Variants in XRRA1 observed in about 807,000 individuals in gnomAD.
The protein encoded by XRRA1 is X-ray radiation resistance associated 1.
A neutral mutation model predicts 80.2 loss-of-function variants in XRRA1; 69 were observed. The ratio of observed to expected loss-of-function variants is 0.86; its 90% CI spans 0.71 to 1.05. The LOEUF (loss-of-function observed/expected upper bound fraction) is 1.05. Ranked by LOEUF, XRRA1 falls within the 50% of genes least tolerant of loss-of-function variation. The probability of loss-of-function intolerance (pLI) is 0.00; values close to 1 mark genes in which losing one functional copy is unlikely to be tolerated. For synonymous variants in XRRA1, 348 were observed against 389.9 expected (o/e 0.89, Z 1.27); for missense variants, 967 against 976.4 (o/e 0.99, Z 0.13).
intron 12 of XRRA1, among the ~76,000 whole-genome samples, chr11:74,854,216 G>T (rs994447626): frequency 3.3e-5 from 5 of 152,206 alleles, no homozygotes; most frequent in Admixed American, 1.3e-4. Flanking sequence ...CACTGGTCTG[G>T]AATACAGAGG....
chr11:74,870,244 C>T (rs563312266), intron 10 of XRRA1, among the ~76,000 whole-genome samples: 6 of 152,238 alleles, frequency 3.9e-5, no homozygotes, highest in African/African-American at 1.4e-4. Flanking sequence ...TGTTTCAAAC[C>T]AGTTTCCTTT....
intron 3 of XRRA1, among the ~76,000 whole-genome samples, chr11:74,939,056 T>C (rs1016595970): frequency 6.6e-6 from 1 of 152,178 alleles, no homozygotes; most frequent in Non-Finnish European, 1.5e-5. Flanking sequence ...GGAATTCTAC[T>C]ATAAGAAAGA....
intron 10 of XRRA1, among the ~76,000 whole-genome samples, chr11:74,868,924 A>G (rs902754471): frequency 2.0e-5 from 3 of 152,132 alleles, no homozygotes; most frequent in Admixed American, 2.0e-4. Context: ...TACCCCAATA[A>G]TAATATTAGA....
chr11:74,855,484 C>G (rs1198669744), intron 12 of XRRA1, among the ~76,000 whole-genome samples: 1 of 152,166 alleles, frequency 6.6e-6, no homozygotes, highest in Non-Finnish European at 1.5e-5. Context: ...GCTTAGGATT[C>G]TGGCTGACAC....
intron 8 of XRRA1, chr11:74,910,842 T>C (rs1290163653): frequency 1.3e-5 from 2 of 152,322 alleles, no homozygotes; most frequent in East Asian, 3.9e-4. Context: ...TCACAGCACC[T>C]GGTGATTGAA....
chr11:74,862,616 T>C (rs2042545863), intron 11 of XRRA1, among the ~76,000 whole-genome samples: 1 of 152,246 alleles, frequency 6.6e-6, no homozygotes, highest in African/African-American at 2.4e-5. Flanking sequence ...GGGGGACTCT[T>C]GTTAAGGAGC....
At position 74,925,521 on chromosome 11, in the gene XRRA1, T is replaced by C. The variant is rs372103153; in HGVS notation, c.522+1870A>G. On this transcript the variant is annotated intron_variant, in intron 7 of 18. Transcript: ENST00000684022. The stretch of plus-strand genomic sequence containing the variant: ...GTTTATACTTCTTCTTAGGGAGCCC[T>C]TGCAAATCACAGATAGATGAAAACA... 5.3e-5 allele frequency among the ~76,000 whole-genome samples: 8 copies of C among 152,344 alleles called. No individual in the cohort carries two copies. In the East Asian group the frequency reaches 1.2e-3, roughly 22 times the overall value.
At chr11:74,881,454 T>C (rs1436653698) in intron 10 of XRRA1, among the ~76,000 whole-genome samples, 1 of 149,380 alleles carries the variant, frequency 6.7e-6, no homozygotes, top group African/African-American at 2.5e-5. Flanking sequence ...GAGCATTTAG[T>C]CCATTTACAT....
At chr11:74,851,889 G>T in intron 13 of XRRA1, 100 bp downstream of exon 13, 1 of 1,013,312 alleles carries the variant, frequency 9.9e-7, no homozygotes, top group Non-Finnish European at 1.6e-6. Flanking sequence ...CCCCGACACA[G>T]AGTAGATCCC....
intron 10 of XRRA1, among the ~76,000 whole-genome samples, chr11:74,879,310 A>C (rs2046885621): frequency 6.6e-6 from 1 of 151,850 alleles, no homozygotes; most frequent in Non-Finnish European, 1.5e-5. Flanking sequence ...TTGTACATTG[A>C]CTTTGTATCC....
intron 10 of XRRA1, among the ~76,000 whole-genome samples, chr11:74,882,667 G>T (rs2047950498): frequency 6.6e-6 from 1 of 151,916 alleles, no homozygotes; most frequent in Non-Finnish European, 1.5e-5. Context: ...TTTGATGATG[G>T]TGATGTACAG....
chr11:74,903,976 G>T (rs1034576604), intron 10 of XRRA1, among the ~76,000 whole-genome samples: 6 of 152,156 alleles, frequency 3.9e-5, no homozygotes, highest in East Asian at 3.9e-4. Flanking sequence ...AAATAAGAGG[G>T]TAAGAAGAAC....
chr11:74,909,151 C>A (rs1449938139), intron 8 of XRRA1, among the ~76,000 whole-genome samples: 1 of 152,168 alleles, frequency 6.6e-6, no homozygotes, highest in Non-Finnish European at 1.5e-5. Context: ...GAAAAAGGGA[C>A]AGGTCAGATA....
At chr11:74,875,872 A>G (rs2045929256) in intron 10 of XRRA1, among the ~76,000 whole-genome samples, 1 of 152,182 alleles carries the variant, frequency 6.6e-6, no homozygotes, top group African/African-American at 2.4e-5. Context: ...CTGTGTCTCA[A>G]AATAATAATA....
chr11:74,896,572 G>A (rs563115095), intron 10 of XRRA1, among the ~76,000 whole-genome samples: 2 of 152,278 alleles, frequency 1.3e-5, no homozygotes, highest in South Asian at 2.1e-4. Context: ...AGCATCTCTG[G>A]ACACACCCAG....
intron 5 of XRRA1, 52 bp from the exon 6 acceptor site, chr11:74,930,424 G>A: frequency 7.1e-7 from 1 of 1,413,546 alleles, no homozygotes; most frequent in Non-Finnish European, 9.5e-7. Context: ...TTAGTTCCCT[G>A]CCTAGAAGCC....
Position 74,933,826 on chromosome 11 carries a change from T to C in XRRA1, c.326A>G (p.Asn109Ser). ...VRKPSDLCTINVSGLKFSKAK... is the reference protein window; with the variant it reads ...VRKPSDLCTISVSGLKFSKAK... ...CTTGGAGAACTTCAGGCCACTCACA[T>C]TAATGGTGCACAGATCTGATGGCTT... is the stretch of plus-strand genomic sequence containing the variant. The change falls in exon 5 of 19, where the codon AAT becomes AGT. Residue 109 changes from asparagine to serine, a missense_variant. By Grantham distance (46) the Asn-to-Ser change is conservative (BLOSUM62 1). Coordinates refer to ENST00000684022, the MANE Select transcript of XRRA1 (RefSeq NM_001378157.1). 6.2e-7 allele frequency: 1 copy of C among 1,601,248 alleles called. No homozygotes were observed. Among genetic ancestry groups the C allele is most frequent in the Non-Finnish European group, 8.5e-7 (1 of 1,173,712 alleles).
chr11:74,868,303 C>T (rs888010971), intron 10 of XRRA1, among the ~76,000 whole-genome samples: 2 of 152,106 alleles, frequency 1.3e-5, no homozygotes, highest in African/African-American at 2.4e-5. Flanking sequence ...AAATAAGATC[C>T]TTTTCAGACA....
chr11:74,856,428 A>G (rs1353368254), intron 12 of XRRA1, among the ~76,000 whole-genome samples: 1 of 152,216 alleles, frequency 6.6e-6, no homozygotes, highest in African/African-American at 2.4e-5. Context: ...CTATAAAATC[A>G]TAACTTTTCT....
Sources: allele counts gnomAD v4.1 joint callset (sites outside exome capture counted in the v4.1 genomes callset), GRCh38; gene constraint gnomAD v4.1.1; transcripts MANE v1.5; gene names NCBI Gene and HGNC (gene_info 2026-07-23, HGNC 2026-07-21).